ADCY2: variants seen among roughly 807,000 people sequenced by gnomAD.
ADCY2 encodes adenylate cyclase 2, also known as adenylate cyclase type 2.
In ADCY2, 31 loss-of-function variants were observed where a neutral mutation model predicts 125.2. That is an observed-to-expected ratio of 0.25 (90% CI 0.19 to 0.33). The LOEUF (loss-of-function observed/expected upper bound fraction) is 0.33. Among genes scored for constraint, ADCY2 ranks in the 10% least tolerant of loss-of-function variants. The pLI, the probability that ADCY2 is intolerant of heterozygous loss-of-function variation, is 1.00. For missense variants in ADCY2, 904 were observed against 1,418.2 expected (o/e 0.64, Z 5.82); for synonymous variants, 512 against 548.4 (o/e 0.93, Z 0.93).
chr5:7,763,211 G>C (rs1255263974), intron 16 of ADCY2, among the ~76,000 whole-genome samples: 4 of 151,658 alleles, frequency 2.6e-5, no homozygotes, highest in Admixed American at 6.6e-5. Flanking sequence ...CTGCCTCTGC[G>C]TCCCGCGTAG....
chr5:7,584,441 G>A (rs1736553574), intron 3 of ADCY2, among the ~76,000 whole-genome samples: 1 of 152,058 alleles, frequency 6.6e-6, no homozygotes, highest in African/African-American at 2.4e-5. Context: ...AAATACTCAG[G>A]TATAATAAGG....
At chr5:7,603,526 A>T (rs375268310) in intron 3 of ADCY2, among the ~76,000 whole-genome samples, 1 of 152,230 alleles carries the variant, frequency 6.6e-6, no homozygotes, top group African/African-American at 2.4e-5. Context: ...ATATAGGTGA[A>T]TGCTGCTTAG....
At chr5:7,580,827 A>G (rs971813595) in intron 3 of ADCY2, among the ~76,000 whole-genome samples, 1 of 152,256 alleles carries the variant, frequency 6.6e-6, no homozygotes, top group Non-Finnish European at 1.5e-5. Context: ...AAAGATAGCC[A>G]GAGAAAACTG....
At chr5:7,649,834 C>A in intron 4 of ADCY2, among the ~76,000 whole-genome samples, 1 of 152,072 alleles carries the variant, frequency 6.6e-6, no homozygotes, top group East Asian at 1.9e-4. Flanking sequence ...AACCAACTTT[C>A]CCCCTCTTTA....
chr5:7,643,975 AT>A (rs573541257), intron 4 of ADCY2, among the ~76,000 whole-genome samples: 3 of 151,772 alleles, frequency 2.0e-5, no homozygotes, highest in Non-Finnish European at 2.9e-5. Flanking sequence ...CAATATAATT[AT>A]TTTTTATTAA....
At position 7,811,754 on chromosome 5, in the gene ADCY2, C is replaced by T. The variant is rs188040929; in HGVS notation, c.2884-5112C>T. ...TGCTCCCTCCTTCCCCCAAATCAGA[C>T]CCTAGTCTCCATCTGAGCCACCTCT... is the stretch of plus-strand genomic sequence containing the variant. On this transcript the variant is annotated intron_variant, in intron 22 of 24. Coordinates refer to ENST00000338316, the MANE Select transcript of ADCY2 (RefSeq NM_020546.3). Among the ~76,000 whole-genome samples, 65 of 152,260 alleles carry T rather than the reference C, an allele frequency of 4.3e-4. No homozygotes were observed. In the East Asian group the frequency reaches 0.012, roughly 29 times the overall value.
At chr5:7,597,110 T>C (rs1411138304) in intron 3 of ADCY2, among the ~76,000 whole-genome samples, 2 of 152,236 alleles carry the variant, frequency 1.3e-5, no homozygotes, top group Non-Finnish European at 2.9e-5. Context: ...CTTGGTCTTT[T>C]TTTTAGCTGT....
chr5:7,529,244 A>G (rs140788042), intron 3 of ADCY2, among the ~76,000 whole-genome samples: 1 of 148,520 alleles, frequency 6.7e-6, no homozygotes, highest in African/African-American at 2.5e-5. Context: ...AGGAATGAGG[A>G]CTTAATGAAA....
chr5:7,685,437 G>A (rs1740487931), intron 4 of ADCY2, among the ~76,000 whole-genome samples: 1 of 152,194 alleles, frequency 6.6e-6, no homozygotes, highest in African/African-American at 2.4e-5. Context: ...GAGAAAGGGT[G>A]GAATCCCATC....
At chr5:7,813,660 T>C (rs765467052) in intron 22 of ADCY2, among the ~76,000 whole-genome samples, 8 of 152,218 alleles carry the variant, frequency 5.3e-5, no homozygotes, top group Non-Finnish European at 1.0e-4. Flanking sequence ...CTGAACATAA[T>C]TTTTTCTAGG....
At chr5:7,707,662 T>A (rs755104247) in intron 8 of ADCY2, 44 bp from the exon 9 acceptor site, 2 of 1,605,496 alleles carry the variant, frequency 1.2e-6, no homozygotes. Flanking sequence ...TTCTTCACAC[T>A]TATCCTTTTA....
intron 4 of ADCY2, among the ~76,000 whole-genome samples, chr5:7,675,534 C>A (rs1184746305): frequency 6.6e-6 from 1 of 152,186 alleles, no homozygotes; most frequent in East Asian, 1.9e-4. Flanking sequence ...TAGGCTTGAA[C>A]TTGTCAAAAG....
chr5:7,725,639 C>T (rs369356203), intron 13 of ADCY2, among the ~76,000 whole-genome samples: 1 of 152,144 alleles, frequency 6.6e-6, no homozygotes, highest in Admixed American at 6.5e-5. Flanking sequence ...TTAGCTGCTA[C>T]ATTATTTCTT....
chr5:7,485,293 T>C (rs998469259), intron 2 of ADCY2, among the ~76,000 whole-genome samples: 1 of 152,198 alleles, frequency 6.6e-6, no homozygotes, highest in South Asian at 2.1e-4. Context: ...ATGAAAGTTA[T>C]CTGAGAGGCA....
chr5:7,741,989 A>G (rs1379720890), intron 14 of ADCY2, among the ~76,000 whole-genome samples: 1 of 151,952 alleles, frequency 6.6e-6, no homozygotes, highest in Non-Finnish European at 1.5e-5. Flanking sequence ...GTTTTATCAA[A>G]CCTCCAAGAA....
intron 19 of ADCY2, 55 bp downstream of exon 19, chr5:7,784,504 A>G: frequency 3.0e-6 from 4 of 1,325,954 alleles, no homozygotes; most frequent in Non-Finnish European, 3.2e-6. Context: ...TGCTGTATTA[A>G]TAGTGCTTTG....
At chr5:7,576,998 T>G (rs1736273352) in intron 3 of ADCY2, among the ~76,000 whole-genome samples, 1 of 152,234 alleles carries the variant, frequency 6.6e-6, no homozygotes, top group South Asian at 2.1e-4. Context: ...ATGTATATCT[T>G]AATTAAGCAG....
rs1227697702 is a variant in ADCY2, at chr5:7,712,961, A to G, written c.1622+62A>G. 15 of 1,212,478 alleles carry G rather than the reference A, an allele frequency of 1.2e-5. No homozygotes were observed. The East Asian group carries it at 3.3e-4, about 26-fold the overall frequency. The allele number at this position is 1,212,478 out of a possible 1,614,324, so 75.1% of individuals were successfully genotyped here. A position where few individuals can be genotyped will look rare whatever the true frequency, so the allele number is the denominator to read the frequency against. On this transcript the variant is annotated intron_variant, in intron 11 of 24. Transcript: ENST00000338316. ...TGCTCTTTATTCATTTCTGAGAGTA[A>G]TTATCATCAATTATGGTAATTTCAA...
chr5:7,816,055 T>A (rs1425622628), intron 22 of ADCY2, among the ~76,000 whole-genome samples: 1 of 152,188 alleles, frequency 6.6e-6, no homozygotes, highest in Non-Finnish European at 1.5e-5. Context: ...ACACCAGTCA[T>A]ATTGGATTAG....
Sources: allele counts gnomAD v4.1 joint callset (sites outside exome capture counted in the v4.1 genomes callset), GRCh38; gene constraint gnomAD v4.1.1; transcripts MANE v1.5; gene names NCBI Gene and HGNC (gene_info 2026-07-23, HGNC 2026-07-21).